Variants in BCLAF3 observed in about 807,000 individuals in gnomAD.
BCLAF3 encodes BCLAF1 and THRAP3 family member 3, also known as transient octamer binding factor 1.
Under a neutral mutation model 51.2 loss-of-function variants are expected in BCLAF3, and 24 were observed. The ratio of observed to expected loss-of-function variants is 0.47; its 90% CI spans 0.34 to 0.66. The LOEUF (loss-of-function observed/expected upper bound fraction) is 0.66, where lower values mean the gene tolerates loss of function less well. Among genes scored for constraint, BCLAF3 ranks in the 30% least tolerant of loss-of-function variants. The pLI, the probability that BCLAF3 is intolerant of heterozygous loss-of-function variation, is 0.01. For missense variants in BCLAF3, 465 were observed against 525.1 expected, an observed-to-expected ratio of 0.89 and a Z score of 1.12; for synonymous variants, 152 against 176.6, an observed-to-expected ratio of 0.86 and a Z score of 1.10.
intron 8 of BCLAF3, among the ~76,000 whole-genome samples, chrX:19,939,425 C>T (rs7891306): frequency 0.33 from 36,519 of 110,865 alleles, 7,427 homozygotes; most frequent in African/African-American, 0.77. Flanking sequence ...ACCTCAACAA[C>T]AAAAATACTT....
chrX:19,934,432 G>A (rs1260168875), intron 10 of BCLAF3, among the ~76,000 whole-genome samples: 1 of 112,017 alleles, frequency 8.9e-6, no homozygotes, highest in Non-Finnish European at 1.9e-5. Context: ...CATTACTCAA[G>A]AGATCAAAAG....
chrX:19,974,157 C>T (rs1280940012), intron 1 of BCLAF3, among the ~76,000 whole-genome samples: 1 of 112,128 alleles, frequency 8.9e-6, no homozygotes, highest in Non-Finnish European at 1.9e-5. Context: ...GCCGTATTTT[C>T]TATACCCGTT....
At chrX:19,938,007 G>A (rs2070840410) in intron 8 of BCLAF3, among the ~76,000 whole-genome samples, 1 of 111,321 alleles carries the variant, frequency 9.0e-6, no homozygotes, top group African/African-American at 3.3e-5. Flanking sequence ...CTCACTGGCA[G>A]AGCTGAGGCC....
At chrX:19,962,911 T>A (rs1449607042) in intron 4 of BCLAF3, among the ~76,000 whole-genome samples, 12 of 109,294 alleles carry the variant, frequency 1.1e-4, no homozygotes, top group Non-Finnish European at 1.7e-4. Context: ...ATAGCAAGAT[T>A]TCTATCTCTA....
intron 1 of BCLAF3, among the ~76,000 whole-genome samples, chrX:19,977,085 A>T (rs1264890334): frequency 9.0e-6 from 1 of 111,628 alleles, no homozygotes; most frequent in Non-Finnish European, 1.9e-5. Flanking sequence ...TAAATGTAGT[A>T]TGTGTTCTGA....
intron 8 of BCLAF3, among the ~76,000 whole-genome samples, chrX:19,939,046 T>C (rs1297950807): frequency 8.9e-6 from 1 of 112,095 alleles, no homozygotes; most frequent in Non-Finnish European, 1.9e-5. Flanking sequence ...TGACATGAAA[T>C]AGACACTCGG....
In BCLAF3 at chrX:19,939,129, A is replaced by T. The variant is rs1342728108; in HGVS notation, c.1746-1597T>A. Among the ~76,000 whole-genome samples the T allele has an allele frequency of 2.7e-5, 3 of 112,345 alleles. No individual in the cohort carries two copies. The Admixed American group carries it at 2.8e-4, about 11-fold the overall frequency. On this transcript the variant is annotated intron_variant, in intron 8 of 11. Transcript: ENST00000379682. ...ACAGTAGATCAAAAGAGTAAAGTGC[A>T]AAGTTGTATATTGAGGATAATTTCA... is the stretch of plus-strand genomic sequence containing the variant.
chrX:19,934,873 G>A (rs2070697971), intron 10 of BCLAF3, among the ~76,000 whole-genome samples: 1 of 111,872 alleles, frequency 8.9e-6, no homozygotes, highest in Admixed American at 9.5e-5. Flanking sequence ...CTCAACTTTT[G>A]TGAGCAAGGA....
chrX:19,961,429 A>G (rs1907573144), intron 4 of BCLAF3, among the ~76,000 whole-genome samples: 1 of 112,310 alleles, frequency 8.9e-6, no homozygotes, highest in Non-Finnish European at 1.9e-5. Context: ...GTTTTCAACC[A>G]TACTGACAAT....
intron 10 of BCLAF3, among the ~76,000 whole-genome samples, chrX:19,932,283 T>G (rs1383386574): frequency 8.9e-6 from 1 of 111,872 alleles, no homozygotes; most frequent in African/African-American, 3.2e-5. Context: ...AATTCTTTCT[T>G]TGCTTTTCAT....
chrX:19,959,460 TAG>T (rs1353256324), intron 4 of BCLAF3, among the ~76,000 whole-genome samples: 2 of 111,355 alleles, frequency 1.8e-5, no homozygotes, highest in Non-Finnish European at 3.8e-5. Flanking sequence ...GTGTTTCAGC[TAG>T]AGAGATGATA....
intron 8 of BCLAF3, among the ~76,000 whole-genome samples, chrX:19,939,962 G>C (rs954464414): frequency 8.0e-5 from 9 of 112,234 alleles, no homozygotes; most frequent in African/African-American, 2.9e-4. Flanking sequence ...AATGGAAACA[G>C]ACTTTCTGTT....
chrX:19,953,475 C>T (rs180869243), intron 6 of BCLAF3, among the ~76,000 whole-genome samples: 30 of 112,132 alleles, frequency 2.7e-4, no homozygotes, highest in Non-Finnish European at 4.3e-4. Flanking sequence ...TTTCATTCTT[C>T]TACTGAGGAC....
intron 7 of BCLAF3, among the ~76,000 whole-genome samples, chrX:19,951,483 C>T (rs996286058): frequency 9.7e-6 from 1 of 103,139 alleles, no homozygotes; most frequent in Non-Finnish European, 1.9e-5. Flanking sequence ...GTAATCCCAG[C>T]TACTTGGGAG....
chrX:19,985,415 C>CA (rs1193603715), intron 1 of BCLAF3, among the ~76,000 whole-genome samples: 1 of 108,832 alleles, frequency 9.2e-6, no homozygotes, highest in Non-Finnish European at 1.9e-5. Context: ...CCTGTCTCTA[C>CA]AAAAAAATAA....
intron 11 of BCLAF3, among the ~76,000 whole-genome samples, chrX:19,924,027 T>G (rs966017335): frequency 9.1e-6 from 1 of 110,338 alleles, no homozygotes; most frequent in Admixed American, 9.7e-5. Flanking sequence ...CTCGAACTCC[T>G]GAGCTCAGGT....
rs373895024 is a variant in BCLAF3 at position 19,972,683 on chromosome X, T to C, written c.-34-2385A>G. On this transcript the variant is annotated intron_variant, in intron 1 of 11. Transcript: ENST00000379682. ...CCCTCCCCTGCTTAGCCCGTTTCTA[T>C]GGATCTGCCTATTTGAGACATCTCA... is the stretch of plus-strand genomic sequence containing the variant. Among the ~76,000 whole-genome samples, 84 of 111,967 alleles carry C rather than the reference T, an allele frequency of 7.5e-4. 2 individuals carry two copies. In the South Asian group the frequency reaches 0.031, roughly 41 times the overall value.
intron 1 of BCLAF3, among the ~76,000 whole-genome samples, chrX:19,988,390 ATCAGAGAATAGCC>A (rs1194875102): frequency 1.8e-5 from 2 of 112,194 alleles, no homozygotes; most frequent in Non-Finnish European, 1.9e-5. Context: ...GGCAAAGGGT[ATCAGAGAATAGCC>A]TTTTGAATTA....
chrX:19,926,970 T>C (rs2070377416), intron 11 of BCLAF3, among the ~76,000 whole-genome samples: 1 of 111,587 alleles, frequency 9.0e-6, no homozygotes, highest in Non-Finnish European at 1.9e-5. Flanking sequence ...CTTACACCTG[T>C]AATGCCAGCA....
Sources: allele counts gnomAD v4.1 joint callset (sites outside exome capture counted in the v4.1 genomes callset), GRCh38; gene constraint gnomAD v4.1.1; transcripts MANE v1.5; gene names NCBI Gene and HGNC (gene_info 2026-07-23, HGNC 2026-07-21).